EVA1C: variants seen among roughly 807,000 people sequenced by gnomAD.
EVA1C encodes eva-1 homolog C.
Under a neutral mutation model 45.4 loss-of-function variants are expected in EVA1C, and 25 were observed. That is an observed-to-expected ratio of 0.55 (90% confidence interval 0.40 to 0.77). The LOEUF (loss-of-function observed/expected upper bound fraction) is 0.77. EVA1C is among the 30% of genes least tolerant of loss of function. The pLI is 0.00. For missense variants in EVA1C, 479 were observed against 554.8 expected (o/e 0.86, Z 1.37); for synonymous variants, 190 against 221.2 (o/e 0.86, Z 1.25).
intron 6 of EVA1C, among the ~76,000 whole-genome samples, chr21:32,503,148 T>G (rs2037612058): frequency 6.6e-6 from 1 of 152,210 alleles, no homozygotes; most frequent in African/African-American, 2.4e-5. Context: ...TTGCCCCACA[T>G]TTTGCTGTTG....
intron 1 of EVA1C, among the ~76,000 whole-genome samples, chr21:32,441,549 G>A (rs1196619790): frequency 6.6e-6 from 1 of 151,542 alleles, no homozygotes; most frequent in Non-Finnish European, 1.5e-5. Flanking sequence ...CCAGTGGCAT[G>A]GGACTTTGGA....
intron 3 of EVA1C, among the ~76,000 whole-genome samples, chr21:32,463,538 T>C (rs2146287975): frequency 6.6e-6 from 1 of 152,350 alleles, no homozygotes; most frequent in African/African-American, 2.4e-5. Flanking sequence ...GGATGTAATG[T>C]GACACGCACA....
chr21:32,415,613 C>G (rs750274698), intron 1 of EVA1C, among the ~76,000 whole-genome samples: 3 of 151,912 alleles, frequency 2.0e-5, no homozygotes, highest in Non-Finnish European at 2.9e-5. Flanking sequence ...ATTCCAGCAT[C>G]GATCTCACTC....
chr21:32,474,606 C>T lies in EVA1C; in HGVS notation c.634+6758C>T, dbSNP rs1342718868. 4.6e-5 allele frequency among the ~76,000 whole-genome samples: 7 copies of T among 152,358 alleles called. No homozygotes were observed. Among genetic ancestry groups the T allele is most frequent in the Admixed American group, 4.6e-4 (7 of 15,308 alleles). On this transcript the variant is annotated intron_variant, in intron 4 of 7. Coordinates refer to ENST00000300255, the MANE Select transcript of EVA1C (RefSeq NM_058187.5). The surrounding 1 kb of genome is among the most constrained non-coding windows in gnomAD (Gnocchi z 4.4). ...TGTGTGTGGTTCATCTCCCCAGGAG[C>T]TAAGCAGCTCTGCAGGGACTGGTCT...
chr21:32,459,117 CCT>C (rs2035901890), intron 3 of EVA1C, among the ~76,000 whole-genome samples: 1 of 152,104 alleles, frequency 6.6e-6, no homozygotes. Flanking sequence ...CTCACACTCA[CCT>C]CTCATAATAG....
At chr21:32,468,830 C>G (rs989471678) in intron 4 of EVA1C, among the ~76,000 whole-genome samples, 5 of 152,206 alleles carry the variant, frequency 3.3e-5, no homozygotes, top group African/African-American at 1.2e-4. Flanking sequence ...CACAGACACA[C>G]CCAGGAAATA....
At chr21:32,482,221 G>A (rs960562299) in intron 4 of EVA1C, among the ~76,000 whole-genome samples, 17 of 152,130 alleles carry the variant, frequency 1.1e-4, no homozygotes, top group African/African-American at 3.4e-4. Flanking sequence ...ATGGTCTTCC[G>A]GGACCTTAAA....
chr21:32,492,988 C>T (rs1191517973), intron 4 of EVA1C, among the ~76,000 whole-genome samples: 8 of 152,094 alleles, frequency 5.3e-5, no homozygotes, highest in South Asian at 2.1e-4. Flanking sequence ...TGTGCATGCA[C>T]AAGTGTGTGT....
Position 32,473,821 on chromosome 21 carries a change from T to G in EVA1C, c.634+5973T>G, listed in dbSNP as rs9305504. 1.1e-5 allele frequency: 7 copies of G among 656,592 alleles called. No individual in the cohort carries two copies. In the South Asian group the frequency reaches 4.7e-4, roughly 44 times the overall value. The allele number at this position is 656,592 out of a possible 1,614,324, so 40.7% of individuals were successfully genotyped here. A position where few individuals can be genotyped will look rare whatever the true frequency, so the allele number is the denominator to read the frequency against. On this transcript the variant is annotated intron_variant, in intron 4 of 7. Transcript: ENST00000300255. The stretch of plus-strand genomic sequence containing the variant: ...CAAGGAGAAAATGCCCTTAGCACTG[T>G]CCTGAACGGTGAGGTCAGAGCTGAA...
At chr21:32,508,134 C>A (rs754868047) in intron 7 of EVA1C, among the ~76,000 whole-genome samples, 5 of 152,200 alleles carry the variant, frequency 3.3e-5, no homozygotes, top group African/African-American at 4.8e-5. Flanking sequence ...AGATTGTGCC[C>A]AAGGGGACTT....
intron 1 of EVA1C, among the ~76,000 whole-genome samples, chr21:32,435,129 C>T (rs1274431668): frequency 2.0e-5 from 3 of 152,076 alleles, no homozygotes; most frequent in African/African-American, 7.2e-5. Context: ...CACCTTTGCT[C>T]TCCCCTTTCC....
At chr21:32,495,873 G>A (rs893215769) in intron 5 of EVA1C, among the ~76,000 whole-genome samples, 1 of 152,186 alleles carries the variant, frequency 6.6e-6, no homozygotes, top group Non-Finnish European at 1.5e-5. Context: ...GAGCATAAAA[G>A]CAAATGGAAA....
At chr21:32,481,401 CTTTTTTTT>C (rs5843555) in intron 4 of EVA1C, among the ~76,000 whole-genome samples, 1 of 133,076 alleles carries the variant, frequency 7.5e-6, no homozygotes. Flanking sequence ...GAAACAGAAC[CTTTTTTTT>C]TTTTTTTTGA....
At chr21:32,430,928 ACAC>A (rs1448635452) in intron 1 of EVA1C, among the ~76,000 whole-genome samples, 1 of 147,658 alleles carries the variant, frequency 6.8e-6, no homozygotes, top group Non-Finnish European at 1.5e-5. Flanking sequence ...AGCTGAGATC[ACAC>A]CACTGCACTC....
At chr21:32,429,579 C>A (rs1010377618) in intron 1 of EVA1C, among the ~76,000 whole-genome samples, 1 of 152,064 alleles carries the variant, frequency 6.6e-6, no homozygotes, top group African/African-American at 2.4e-5. Flanking sequence ...GTCTCAAACT[C>A]CTGACCTCAG....
intron 1 of EVA1C, among the ~76,000 whole-genome samples, chr21:32,413,572 G>C (rs560588914): frequency 1.3e-5 from 2 of 152,236 alleles, no homozygotes; most frequent in Admixed American, 1.3e-4. Flanking sequence ...AGTGTACCAG[G>C]GTCCTCCCTC....
At chr21:32,499,038 A>G (rs2037444650) in intron 5 of EVA1C, among the ~76,000 whole-genome samples, 1 of 152,236 alleles carries the variant, frequency 6.6e-6, no homozygotes, top group South Asian at 2.1e-4. Context: ...CCTGTGTCAT[A>G]CACAGCCAAT....
chr21:32,417,451 G>A (rs974846349), intron 1 of EVA1C, among the ~76,000 whole-genome samples: 1 of 151,206 alleles, frequency 6.6e-6, no homozygotes, highest in Non-Finnish European at 1.5e-5. Flanking sequence ...TATTGGACTA[G>A]ACTCCTTCAA....
chr21:32,441,805 G>C (rs907359056), intron 1 of EVA1C, among the ~76,000 whole-genome samples: 7 of 152,150 alleles, frequency 4.6e-5, no homozygotes, highest in African/African-American at 1.7e-4. Context: ...AGATAATTGG[G>C]TGACTATTAG....
Sources: gnomAD v4.1 joint callset for allele counts (sites outside exome capture counted in the v4.1 genomes callset) on GRCh38, gnomAD v4.1.1 for gene constraint, Gnocchi (gnomAD v3.1) non-coding constraint, MANE v1.5 for transcripts, NCBI Gene and HGNC (gene_info 2026-07-23, HGNC 2026-07-21) for gene names.